Variants in RNF19A observed in about 807,000 individuals in gnomAD.
The protein encoded by RNF19A is E3 ubiquitin-protein ligase RNF19A.
In RNF19A, 32 loss-of-function variants were observed where a neutral mutation model predicts 75.7. The ratio of observed to expected loss-of-function variants is 0.42; its 90% CI spans 0.32 to 0.57. RNF19A has a LOEUF of 0.57. Ranked by LOEUF, RNF19A falls within the 20% of genes least tolerant of loss-of-function variation. The pLI is 0.10. For missense variants in RNF19A, 782 were observed against 1,036.3 expected (o/e 0.75, Z 3.37); for synonymous variants, 335 against 345.2 (o/e 0.97, Z 0.33).
upstream of RNF19A, chr8:100,310,064 C>A: frequency 2.0e-6 from 2 of 985,556 alleles, no homozygotes; most frequent in Non-Finnish European, 2.4e-6. Context: ...AGTTGTGGCT[C>A]GACGGCTGCT....
intron 2 of RNF19A, among the ~76,000 whole-genome samples, chr8:100,281,675 T>A (rs1274990618): frequency 6.6e-6 from 1 of 152,152 alleles, no homozygotes; most frequent in African/African-American, 2.4e-5. Flanking sequence ...TAAAAGAGAA[T>A]GAAGAAAAAG....
At chr8:100,318,065 G>T (rs1484135549) in intron 1 of RNF19A, among the ~76,000 whole-genome samples, 1 of 152,034 alleles carries the variant, frequency 6.6e-6, no homozygotes, top group Non-Finnish European at 1.5e-5. Context: ...ATCCCCTGTG[G>T]TATAATACTT....
chr8:100,258,078 G>A lies in RNF19A; in HGVS notation c.*478C>T, dbSNP rs928328867. On this transcript the variant is annotated 3_prime_UTR_variant, in exon 10 of 10. Coordinates refer to ENST00000341084, the MANE Select transcript of RNF19A (RefSeq NM_183419.4). The surrounding 1 kb of genome is among the most constrained non-coding windows in gnomAD (Gnocchi z 4.3). The stretch of plus-strand genomic sequence containing the variant: ...GAAGAAAAAAAATGAAATTTATGCC[G>A]ATATAAATAGAAATGTTACAGAGTA... The A allele has an allele frequency of 5.0e-5, 20 of 398,580 alleles. No homozygotes were observed. Among genetic ancestry groups the A allele is most frequent in the South Asian group, 1.3e-4 (1 of 7,846 alleles). The allele number at this position is 398,580 out of a possible 1,614,324, so 24.7% of individuals were successfully genotyped here.
At chr8:100,314,696 G>A (rs1039260143), upstream of RNF19A, among the ~76,000 whole-genome samples, 14 of 151,978 alleles carry the variant, frequency 9.2e-5, no homozygotes, top group African/African-American at 3.1e-4. This position sits in a 1 kb window ranked among gnomAD's most constrained non-coding sequence, Gnocchi z 4.1. Flanking sequence ...CCTCTCCTCT[G>A]CCTGGCTCAT....
rs1822584308 is a variant in RNF19A at position 100,329,586 on chromosome 8, T to C, written c.-243+6522A>G. Among the ~76,000 whole-genome samples the C allele has an allele frequency of 6.6e-6, 1 of 152,198 alleles. No homozygotes were observed. The highest frequency in any genetic ancestry group is 6.5e-5 in the Admixed American group (1 of 15,286). On this transcript the variant is annotated intron_variant, in intron 1 of 3. Transcript: ENST00000519527. The surrounding 1 kb of genome is among the most constrained non-coding windows in gnomAD (Gnocchi z 4.3). ...ATCTGGAGGCTTATATTTAAGCACA[T>C]TTTAAAGAGAGACACATGCAAACTA...
Position 100,288,281 on chromosome 8 carries a change from A to T in RNF19A, c.-93-14T>A. 2 of 1,321,418 alleles carry T rather than the reference A, an allele frequency of 1.5e-6. No individual in the cohort carries two copies. The highest frequency in any genetic ancestry group is 1.9e-6 in the Non-Finnish European group (2 of 1,027,062). The allele number at this position is 1,321,418 out of a possible 1,614,324, so 81.9% of individuals were successfully genotyped here. A position where few individuals can be genotyped will look rare whatever the true frequency, so the allele number is the denominator to read the frequency against. ...ATCATGGATGTTCTGAAAAATAAAA[A>T]ATAAAAAAATCAAGATCATTTAATT... On this transcript the variant is annotated splice_polypyrimidine_tract_variant and intron_variant, in intron 1 of 9. Transcript: ENST00000341084.
At position 100,324,688 on chromosome 8, in the gene RNF19A, G is replaced by A. The variant is rs16898236; in HGVS notation, c.-242-11316C>T. ...GAGAAACCTAAATATGAATCTACGC[G>A]TTTGCTTCAAGAAAATTCAAAATAA... On this transcript the variant is annotated intron_variant, in intron 1 of 3. Coordinates refer to the RNF19A transcript ENST00000519527. The surrounding 1 kb of genome is among the most constrained non-coding windows in gnomAD (Gnocchi z 4.2). 0.026 allele frequency among the ~76,000 whole-genome samples: 3,960 copies of A among 152,152 alleles called. 169 individuals carry two copies. Among genetic ancestry groups the A allele is most frequent in the African/African-American group, 0.088 (3,659 of 41,460 alleles).
chr8:100,280,902 A>C (rs1478413280), intron 2 of RNF19A, among the ~76,000 whole-genome samples: 1 of 152,202 alleles, frequency 6.6e-6, no homozygotes, highest in Non-Finnish European at 1.5e-5. Context: ...AATGGAAGCA[A>C]ATGGTAAAAG....
chr8:100,276,051 T>C (rs189694832), intron 2 of RNF19A, among the ~76,000 whole-genome samples: 2 of 152,340 alleles, frequency 1.3e-5, no homozygotes, highest in Admixed American at 1.3e-4. Flanking sequence ...CGAGTTAATA[T>C]TTCTGACACT....
chr8:100,295,695 T>C (rs1821522876), intron 1 of RNF19A, among the ~76,000 whole-genome samples: 1 of 152,188 alleles, frequency 6.6e-6, no homozygotes, highest in Non-Finnish European at 1.5e-5. Flanking sequence ...TAGATAATTA[T>C]CATAAGCCAT....
chr8:100,314,554 G>C (rs538775786), upstream of RNF19A, among the ~76,000 whole-genome samples: 3 of 152,262 alleles, frequency 2.0e-5, no homozygotes, highest in African/African-American at 7.2e-5. The surrounding 1 kb of genome is among the most constrained non-coding windows in gnomAD (Gnocchi z 4.1). Context: ...TAAGGTACTA[G>C]CAGTACCACA....
chr8:100,310,219 C>A, upstream of RNF19A: 6 of 985,226 alleles, frequency 6.1e-6, no homozygotes, highest in South Asian at 4.7e-5. Context: ...TCACGCCCAC[C>A]GGGCCCGCTG....
chr8:100,282,669 A>G (rs1446601360), intron 2 of RNF19A, among the ~76,000 whole-genome samples: 1 of 152,216 alleles, frequency 6.6e-6, no homozygotes, highest in Non-Finnish European at 1.5e-5. Flanking sequence ...AAATCAAAGT[A>G]GGATCTGTGA....
At chr8:100,286,664 C>T (rs1821035263) in intron 2 of RNF19A, among the ~76,000 whole-genome samples, 1 of 152,160 alleles carries the variant, frequency 6.6e-6, no homozygotes, top group Non-Finnish European at 1.5e-5. Flanking sequence ...ATAAATGAAA[C>T]TCACATCCCA....
intron 1 of RNF19A, among the ~76,000 whole-genome samples, chr8:100,294,630 T>C (rs1821467706): frequency 6.6e-6 from 1 of 152,092 alleles, no homozygotes; most frequent in Non-Finnish European, 1.5e-5. Context: ...TCTGCTTGAC[T>C]TTCAGCTGCC....
Position 100,317,444 on chromosome 8 carries a change from G to A in RNF19A, c.-242-4072C>T, listed in dbSNP as rs1251883720. ...CCCTTCAGAGAGTGCCAGGGGAAAG[G>A]AAATTGTTTCTTCCTCTTCATGGGA... On this transcript the variant is annotated intron_variant, in intron 1 of 3. Transcript: ENST00000519527. This position sits in a 1 kb window ranked among gnomAD's most constrained non-coding sequence, Gnocchi z 4.3. 2.0e-5 allele frequency among the ~76,000 whole-genome samples: 3 copies of A among 152,216 alleles called. No homozygotes were observed. Among genetic ancestry groups the A allele is most frequent in the Non-Finnish European group, 2.9e-5 (2 of 68,046 alleles).
chr8:100,316,260 C>T (rs902956795), intron 1 of RNF19A, among the ~76,000 whole-genome samples: 6 of 152,028 alleles, frequency 3.9e-5, no homozygotes, highest in Non-Finnish European at 7.4e-5. Context: ...TGTTACAGCT[C>T]ATAAAAGCAG....
At position 100,331,900 on chromosome 8, in the gene RNF19A, T is replaced by C. The variant is rs530908884; in HGVS notation, c.-243+4208A>G. 6.6e-6 allele frequency among the ~76,000 whole-genome samples: 1 copy of C among 152,336 alleles called. No homozygotes were observed. The highest frequency in any genetic ancestry group is 1.9e-4 in the East Asian group (1 of 5,188). On this transcript the variant is annotated intron_variant, in intron 1 of 3. Coordinates refer to the RNF19A transcript ENST00000519527. The surrounding 1 kb of genome is among the most constrained non-coding windows in gnomAD (Gnocchi z 5.2). ...TGCTTTTTTACTCAAGAATATATCT[T>C]GGAGAATTACTATTAATATATCAGT...
chr8:100,285,221 G>A (rs764056485), intron 2 of RNF19A, among the ~76,000 whole-genome samples: 9 of 152,096 alleles, frequency 5.9e-5, no homozygotes, highest in Non-Finnish European at 1.3e-4. Flanking sequence ...GTGGCAGTAG[G>A]TTAATCATTC....
Sources: gnomAD v4.1 joint callset for allele counts (sites outside exome capture counted in the v4.1 genomes callset) on GRCh38, gnomAD v4.1.1 for gene constraint, Gnocchi (gnomAD v3.1) non-coding constraint, MANE v1.5 for transcripts, NCBI Gene and HGNC (gene_info 2026-07-23, HGNC 2026-07-21) for gene names.